The following TSC2 variants were observed in gnomAD, a reference collection of about 807,000 sequenced individuals.
TSC2 encodes TSC complex subunit 2, also known as tuberin.
Under a neutral mutation model 202.2 loss-of-function variants are expected in TSC2, and 29 were observed. The observed-to-expected ratio is 0.14, with a 90% confidence interval of 0.11 to 0.20. The LOEUF (loss-of-function observed/expected upper bound fraction) is 0.20, where lower values mean the gene tolerates loss of function less well. Ranked by LOEUF, TSC2 falls within the 10% of genes least tolerant of loss-of-function variation. The pLI is 1.00. For missense variants in TSC2, 2,429 were observed against 2,420.0 expected (o/e 1.00, Z -0.08); for synonymous variants, 1,349 against 1,044.0 (o/e 1.29, Z -5.63).
At chr16:2,054,253 C>T (rs370723379) in intron 4 of TSC2, 43 bp from the exon 5 acceptor site, 59 of 1,613,616 alleles carry the variant, frequency 3.7e-5, no homozygotes, top group South Asian at 1.3e-4. Context: ...GCCGTGTGGG[C>T]GACGCTGGCA....
chr16:2,051,653 A>G (rs1310734664), intron 3 of TSC2, among the ~76,000 whole-genome samples: 1 of 152,224 alleles, frequency 6.6e-6, no homozygotes, highest in African/African-American at 2.4e-5. Flanking sequence ...TGTGTGTGGG[A>G]GAGCAGTGAG....
chr16:2,077,764 G>T, intron 26 of TSC2, 38 bp downstream of exon 26: 1 of 1,608,208 alleles, frequency 6.2e-7, no homozygotes. Context: ...GGACCCTGGA[G>T]CTTGGCCCCG....
chr16:2,063,228 G>A (rs984864331), intron 14 of TSC2, 175 bp downstream of exon 14: 54 of 780,756 alleles, frequency 6.9e-5, no homozygotes, highest in Non-Finnish European at 1.0e-4. Flanking sequence ...TGGCTTGCTC[G>A]TCCTGGGTGC....
intron 9 of TSC2, among the ~76,000 whole-genome samples, chr16:2,057,441 A>G (rs545216105): frequency 2.0e-5 from 3 of 151,858 alleles, no homozygotes; most frequent in Admixed American, 6.6e-5. Context: ...CTCCCCAACT[A>G]CTTAGCCTGT....
At chr16:2,087,750 G>C (rs1182959250) in intron 38 of TSC2, 113 bp from the exon 39 acceptor site, 6 of 1,317,202 alleles carry the variant, frequency 4.6e-6, no homozygotes, top group Non-Finnish European at 5.3e-6. Flanking sequence ...AAGTTCAGGG[G>C]CAGATGCTGC....
At chr16:2,086,676 GCA>G (rs936341179) in intron 37 of TSC2, 54 bp from the exon 38 acceptor site, 1 of 1,601,450 alleles carries the variant, frequency 6.2e-7, no homozygotes, top group African/African-American at 1.3e-5. Context: ...CCAGTGCAAG[GCA>G]CAGAGGGCCT....
At chr16:2,065,194 A>G (rs973873843) in intron 15 of TSC2, 13 of 287,164 alleles carry the variant, frequency 4.5e-5, no homozygotes, top group African/African-American at 2.4e-4. Flanking sequence ...CAGGCGGATC[A>G]TGAGGTCAGG....
intron 14 of TSC2, chr16:2,063,916 C>T (rs1405470270): frequency 2.4e-6 from 1 of 410,988 alleles, no homozygotes; most frequent in Non-Finnish European, 4.6e-6. Flanking sequence ...GTGCACACAG[C>T]CACACACACC....
chr16:2,053,151 C>T (rs1427445042), intron 3 of TSC2, among the ~76,000 whole-genome samples, 191 bp from the exon 4 acceptor site: 9 of 152,142 alleles, frequency 5.9e-5, no homozygotes, highest in South Asian at 2.1e-4. Flanking sequence ...AGCTCTGAGC[C>T]GTTCCCTGTA....
intron 32 of TSC2, 88 bp downstream of exon 32, chr16:2,082,592 A>C: frequency 3.5e-6 from 5 of 1,441,688 alleles, no homozygotes; most frequent in Non-Finnish European, 3.9e-6. Context: ...GCCCACCCCC[A>C]TGGTCCGTCT....
chr16:2,061,254 G>C, intron 11 of TSC2: 1 of 304,608 alleles, frequency 3.3e-6, no homozygotes, highest in Non-Finnish European at 6.5e-6. Flanking sequence ...CTGGGGAGGC[G>C]AGGCTAGTAT....
At chr16:2,060,925 C>A in intron 11 of TSC2, 112 bp downstream of exon 11, 2 of 1,347,252 alleles carry the variant, frequency 1.5e-6, no homozygotes, top group Admixed American at 2.0e-5. Flanking sequence ...CAGAGACTGC[C>A]AGAACCGTGT....
chr16:2,089,378 C>T lies in TSC2; in HGVS notation c.*768C>T, dbSNP rs975387518. 2.0e-5 allele frequency: 8 copies of T among 406,216 alleles called. No individual in the cohort carries two copies. Among genetic ancestry groups the T allele is most frequent in the Admixed American group, 8.0e-5 (2 of 24,944 alleles). 25.2% of individuals were successfully genotyped at this position (406,216 alleles called of 1,614,324 possible). On this transcript the variant is annotated 3_prime_UTR_variant, in exon 42 of 42. Transcript: ENST00000219476. ...GGTGGCGGCGGTGCAGGCTAACCCT[C>T]CCTGAAGCCAGCAGCCTTAGCAGTG... is the stretch of plus-strand genomic sequence containing the variant.
Position 2,072,322 on chromosome 16 carries a change from C to T in TSC2, c.2179C>T (p.Pro727Ser), listed in dbSNP as rs2151318416. The T allele has an allele frequency of 6.2e-7, 1 of 1,614,172 alleles. No homozygotes were observed. The highest frequency in any genetic ancestry group is 8.5e-7 in the Non-Finnish European group (1 of 1,180,046). ...LRYKVLIFTS[P>S]CSVDQLCSAL... The stretch of plus-strand genomic sequence containing the variant: ...CTATAAAGTGCTCATCTTTACTTCC[C>T]CTTGCAGTGTGGACCAGCTGTGCTC... Residue 727 changes from proline to serine, a missense_variant, in exon 20 of 42, where the codon CCT becomes TCT. Transcript: ENST00000219476.
Position 2,048,009 on chromosome 16 carries a change from G to C in TSC2, c.-86G>C. On this transcript the variant is annotated 5_prime_UTR_variant, in exon 1 of 42. Coordinates refer to ENST00000219476, the MANE Select transcript of TSC2 (RefSeq NM_000548.5). ...CGCTTCCGGCGGCGTCCCGGGGCCA[G>C]GGGGGTGCGCCTTTCTCCGCGTCGG... The C allele has an allele frequency of 1.3e-6, 2 of 1,484,124 alleles. No homozygotes were observed. Among genetic ancestry groups the C allele is most frequent in the African/African-American group, 1.4e-5 (1 of 69,844 alleles). The allele number at this position is 1,484,124 out of a possible 1,614,324, so 91.9% of individuals were successfully genotyped here. A position where few individuals can be genotyped will look rare whatever the true frequency, so the allele number is the denominator to read the frequency against.
rs1249406161 is a variant in TSC2 at position 2,088,587 on chromosome 16, G to A, written c.5401G>A (p.Glu1801Lys). The A allele has an allele frequency of 1.9e-6, 3 of 1,606,352 alleles. No homozygotes were observed. Among genetic ancestry groups the A allele is most frequent in the South Asian group, 2.2e-5 (2 of 91,068 alleles). The change falls in exon 42 of 42, where the codon GAG becomes AAG. Residue 1801 changes from glutamate (E) to lysine (K), a missense_variant. Physicochemically the swap from Glu to Lys is moderately conservative, Grantham distance 56. Transcript: ENST00000219476. ...GQRKRLISSV[E>K]DFTEFV ...GCGGAAGCGCCTCATCTCCTCGGTGGAGGACTTCACCGAGTTTGTGTGAGG... is the reference window on the plus strand; with the variant it reads ...GCGGAAGCGCCTCATCTCCTCGGTGAAGGACTTCACCGAGTTTGTGTGAGG...
intron 22 of TSC2, chr16:2,074,686 C>T (rs2089012974): frequency 2.1e-6 from 1 of 486,910 alleles, no homozygotes; most frequent in Non-Finnish European, 3.8e-6. Flanking sequence ...CAACAGAGCA[C>T]ACGCCGCTTC....
chr16:2,085,493 A>T (rs1163829807), intron 36 of TSC2, among the ~76,000 whole-genome samples, 171 bp downstream of exon 36: 1 of 151,930 alleles, frequency 6.6e-6, no homozygotes, highest in East Asian at 1.9e-4. Context: ...AGTGCTGGGG[A>T]CCCCGGTGCG....
chr16:2,053,609 T>G (rs1000333394), intron 4 of TSC2, 157 bp downstream of exon 4: 3 of 760,296 alleles, frequency 3.9e-6, no homozygotes, highest in Non-Finnish European at 6.8e-6. Context: ...TGGGGTCTCC[T>G]GGTGTCATGA....
Sources: gnomAD v4.1 joint callset for allele counts (sites outside exome capture counted in the v4.1 genomes callset) on GRCh38, gnomAD v4.1.1 for gene constraint, MANE v1.5 for transcripts, NCBI Gene and HGNC (gene_info 2026-07-23, HGNC 2026-07-21) for gene names.